The following NOL10 variants were observed in gnomAD, a reference collection of about 807,000 sequenced individuals.
NOL10 encodes the protein nucleolar protein 10.
A neutral mutation model predicts 103.5 loss-of-function variants in NOL10; 58 were observed. The ratio of observed to expected loss-of-function variants is 0.56; its 90% CI spans 0.45 to 0.70. NOL10 has a LOEUF of 0.70. Ranked by LOEUF, NOL10 falls within the 30% of genes least tolerant of loss-of-function variation. NOL10 has a pLI of 0.00. For synonymous variants in NOL10, 287 were observed against 282.5 expected, an observed-to-expected ratio of 1.02 and a Z score of -0.16; for missense variants, 763 against 807.3, an observed-to-expected ratio of 0.95 and a Z score of 0.67.
intron 16 of NOL10, among the ~76,000 whole-genome samples, chr2:10,602,407 C>T (rs980501197): frequency 6.6e-6 from 1 of 152,182 alleles, no homozygotes; most frequent in Admixed American, 6.5e-5. Flanking sequence ...ATGATCCAAA[C>T]AGAGCCTAAG....
At chr2:10,582,592 G>A (rs1198868432) in intron 19 of NOL10, among the ~76,000 whole-genome samples, 4 of 152,138 alleles carry the variant, frequency 2.6e-5, no homozygotes, top group South Asian at 2.1e-4. Context: ...AACAAGCATG[G>A]CCTTCCCAAT....
intron 12 of NOL10, 64 bp from the exon 13 acceptor site, chr2:10,644,436 C>T (rs1384410418): frequency 2.5e-6 from 3 of 1,219,890 alleles, no homozygotes; most frequent in Non-Finnish European, 3.4e-6. Flanking sequence ...TTTCTATTTG[C>T]TTTCCATTCT....
intron 19 of NOL10, among the ~76,000 whole-genome samples, chr2:10,584,706 T>C (rs1674933067): frequency 6.6e-6 from 1 of 152,198 alleles, no homozygotes; most frequent in African/African-American, 2.4e-5. Context: ...TCAAAAAGGA[T>C]GTTTAACTTA....
intron 1 of NOL10, among the ~76,000 whole-genome samples, chr2:10,689,089 A>C (rs1682428478): frequency 6.6e-6 from 1 of 152,224 alleles, no homozygotes; most frequent in African/African-American, 2.4e-5. Context: ...GCTTGGACAG[A>C]GGCTGGATCA....
At chr2:10,642,816 A>G (rs527348514) in intron 13 of NOL10, among the ~76,000 whole-genome samples, 157 of 152,120 alleles carry the variant, frequency 1.0e-3, no homozygotes, top group Non-Finnish European at 1.9e-3. Context: ...ACTTCTCATC[A>G]GCTCCTGGGC....
intron 12 of NOL10, among the ~76,000 whole-genome samples, chr2:10,644,894 C>A (rs79740070): frequency 2.6e-5 from 4 of 152,180 alleles, no homozygotes; most frequent in African/African-American, 7.2e-5. Flanking sequence ...ATTCAAATAT[C>A]TCGGTTTTGT....
At chr2:10,628,698 G>C (rs1013266611) in intron 13 of NOL10, among the ~76,000 whole-genome samples, 1 of 152,106 alleles carries the variant, frequency 6.6e-6, no homozygotes, top group African/African-American at 2.4e-5. Context: ...TGCACCTGGT[G>C]ACTACGTCAT....
intron 9 of NOL10, among the ~76,000 whole-genome samples, chr2:10,661,161 C>T (rs1018216146): frequency 2.6e-5 from 4 of 152,046 alleles, no homozygotes; most frequent in Non-Finnish European, 4.4e-5. Flanking sequence ...CTGCAACCTC[C>T]GCCTCCTGGG....
At chr2:10,662,292 A>C (rs1572400091) in intron 9 of NOL10, among the ~76,000 whole-genome samples, 1 of 152,330 alleles carries the variant, frequency 6.6e-6, no homozygotes, top group East Asian at 1.9e-4. Context: ...TTATTTAATC[A>C]ATATCCTCAG....
chr2:10,677,839 T>TTGTGTGTGTGTG (rs58970211), intron 3 of NOL10, among the ~76,000 whole-genome samples: 5 of 146,842 alleles, frequency 3.4e-5, no homozygotes, highest in South Asian at 2.2e-4. Context: ...TTTAATACAT[T>TTGTGTGTGTGTG]TGTGTGTGTG....
chr2:10,586,730 C>A (rs1215741595), intron 19 of NOL10, among the ~76,000 whole-genome samples: 1 of 152,050 alleles, frequency 6.6e-6, no homozygotes, highest in Non-Finnish European at 1.5e-5. Context: ...TTACAATGAT[C>A]CTCTCCTACC....
At chr2:10,634,225 C>G (rs1051751360) in intron 13 of NOL10, among the ~76,000 whole-genome samples, 1 of 152,160 alleles carries the variant, frequency 6.6e-6, no homozygotes, top group Non-Finnish European at 1.5e-5. Context: ...GATCAGTTAT[C>G]CAGTATTACA....
chr2:10,654,549 T>TAGGG lies in NOL10; in HGVS notation c.907-3_907-2insCCCT. On this transcript the variant is annotated splice_region_variant and splice_polypyrimidine_tract_variant and intron_variant, in intron 11 of 20. Coordinates refer to ENST00000381685, the MANE Select transcript of NOL10 (RefSeq NM_024894.4). Reference sequence around the variant, plus strand: ...CTCCAAGGAAGTAAATATTTTTCCCTAAAAATAGCAAGCAAAAACGAAGTA... The same window carrying TAGGG: ...CTCCAAGGAAGTAAATATTTTTCCCTAGGGAAAAATAGCAAGCAAAAACGAAGTA... The TAGGG allele has an allele frequency of 6.3e-7, 1 of 1,585,258 alleles. No individual in the cohort carries two copies. Among genetic ancestry groups the TAGGG allele is most frequent in the Non-Finnish European group, 8.5e-7 (1 of 1,169,828 alleles).
chr2:10,571,827 AG>A lies in NOL10; in HGVS notation c.*243del. The A allele has an allele frequency of 2.7e-6, 1 of 374,854 alleles. No homozygotes were observed. 23.2% of individuals were successfully genotyped at this position (374,854 alleles called of 1,614,324 possible). ...TTTTCATGATTAACGCCGTGGGGAA[AG>A]GACAATGTTTCCAGGGAGCAACGAC... On this transcript the variant is annotated 3_prime_UTR_variant, in exon 21 of 21. Coordinates refer to ENST00000381685, the MANE Select transcript of NOL10 (RefSeq NM_024894.4).
intron 12 of NOL10, among the ~76,000 whole-genome samples, chr2:10,644,819 C>T (rs1289913201): frequency 6.6e-6 from 1 of 152,218 alleles, no homozygotes; most frequent in East Asian, 1.9e-4. Context: ...AAAGGATTCT[C>T]TATAACCCCA....
intron 1 of NOL10, 151 bp downstream of exon 1, chr2:10,689,645 G>T: frequency 1.4e-6 from 1 of 724,444 alleles, no homozygotes; most frequent in South Asian, 1.9e-5. Flanking sequence ...CACCTCCCCC[G>T]GAAATTGTCA....
Position 10,689,903 on chromosome 2 carries a change from C to G in NOL10, c.-42G>C. 1 of 1,568,578 alleles carries G rather than the reference C, an allele frequency of 6.4e-7. No homozygotes were observed. Among genetic ancestry groups the G allele is most frequent in the Non-Finnish European group, 8.7e-7 (1 of 1,154,426 alleles). On this transcript the variant is annotated 5_prime_UTR_variant, in exon 1 of 21. Transcript: ENST00000381685. Reference sequence around the variant, plus strand: ...GTTCAAGTCCCGGGTCCTTTCCCACCAGCGTGCTCGAGCACCGTAATCCCG... The same window carrying G: ...GTTCAAGTCCCGGGTCCTTTCCCACGAGCGTGCTCGAGCACCGTAATCCCG...
intron 13 of NOL10, among the ~76,000 whole-genome samples, chr2:10,637,011 G>A (rs1678278983): frequency 6.6e-6 from 1 of 151,894 alleles, no homozygotes; most frequent in African/African-American, 2.4e-5. Context: ...AGACCAGCCT[G>A]GCCAACACAG....
chr2:10,634,615 T>C (rs576628700), intron 13 of NOL10: 27 of 456,618 alleles, frequency 5.9e-5, no homozygotes, highest in South Asian at 3.6e-4. Context: ...AGCCTAGTTA[T>C]ATAAAGCCTA....
Sources: allele counts gnomAD v4.1 joint callset (sites outside exome capture counted in the v4.1 genomes callset), GRCh38; gene constraint gnomAD v4.1.1; transcripts MANE v1.5; gene names NCBI Gene and HGNC (gene_info 2026-07-23, HGNC 2026-07-21).